KANK1: variants seen among roughly 807,000 people sequenced by gnomAD.
KANK1 encodes the protein KN motif and ankyrin repeat domain-containing protein 1.
KANK1 carries 109 observed loss-of-function variants against 106.2 expected under a neutral mutation model. That is an observed-to-expected ratio of 1.03 (90% confidence interval 0.88 to 1.20). The LOEUF (loss-of-function observed/expected upper bound fraction) is 1.20. Ranked by LOEUF, KANK1 falls within the 50% of genes most tolerant of loss-of-function variation. KANK1 has a pLI of 0.00. For missense variants in KANK1, 2,399 were observed against 1,710.7 expected (o/e 1.40, Z -7.10); for synonymous variants, 873 against 652.2 (o/e 1.34, Z -5.16).
chr9:745,094 C>CAAGATCCTATGTCACAGGGTACACATCT, intron 11 of KANK1, 79 bp from the exon 12 acceptor site: 19 of 1,566,098 alleles, frequency 1.2e-5, no homozygotes, highest in Non-Finnish European at 1.6e-5. Flanking sequence ...TGTGGTGGGC[C>CAAGATCCTATGTCACAGGGTACACATCT]AAGATCCTAT....
chr9:703,178 G>T (rs1247610659), intron 2 of KANK1, among the ~76,000 whole-genome samples: 1 of 152,036 alleles, frequency 6.6e-6, no homozygotes, highest in Non-Finnish European at 1.5e-5. Context: ...TTTCAGTAGA[G>T]ACAGGGTTTC....
rs577761350 is a variant in KANK1, at chr9:633,474, A to C, written c.-83-43416A>C. ...CTCCGTCTCAAAAACAAAACAAAAC[A>C]AAAAAAACACCTTTTTTTGTCTTGC... On this transcript the variant is annotated intron_variant, in intron 1 of 11. Transcript: ENST00000382297. Among the ~76,000 whole-genome samples, 16 of 151,884 alleles carry C rather than the reference A, an allele frequency of 1.1e-4. No individual in the cohort carries two copies. In the South Asian group the frequency reaches 2.7e-3, roughly 26 times the overall value.
intron 1 of KANK1, among the ~76,000 whole-genome samples, chr9:619,088 A>C (rs754015561): frequency 6.6e-6 from 1 of 152,214 alleles, no homozygotes; most frequent in Non-Finnish European, 1.5e-5. Context: ...ATAACTAAGT[A>C]CAAGCCTCTC....
At position 663,936 on chromosome 9, in the gene KANK1, C is replaced by G. The variant is rs74402635; in HGVS notation, c.-83-12954C>G. ...TTTGGGACACAAGGAGGCAGATGCT[C>G]TCATGGGAACTCTTCAAATAAGGTC... On this transcript the variant is annotated intron_variant, in intron 1 of 11. Coordinates refer to ENST00000382297, the MANE Select transcript of KANK1 (RefSeq NM_015158.5). 3.2e-4 allele frequency among the ~76,000 whole-genome samples: 49 copies of G among 152,264 alleles called. 1 individual carries two copies. The East Asian group carries it at 7.7e-3, about 24-fold the overall frequency.
At chr9:649,782 G>T in intron 1 of KANK1, among the ~76,000 whole-genome samples, 1 of 152,100 alleles carries the variant, frequency 6.6e-6, no homozygotes. Flanking sequence ...TTCACCCATG[G>T]CAGCCAACCA....
At chr9:731,103 C>G (rs1832117833) in intron 4 of KANK1, 55 bp from the exon 5 acceptor site, 1 of 925,388 alleles carries the variant, frequency 1.1e-6, no homozygotes. Flanking sequence ...GAAAAAAGAT[C>G]ATTTAACATG....
chr9:702,419 C>G (rs1822911400), intron 2 of KANK1, among the ~76,000 whole-genome samples: 1 of 152,170 alleles, frequency 6.6e-6, no homozygotes, highest in African/African-American at 2.4e-5. Context: ...AGAACAGAGA[C>G]TTTGTCCATT....
chr9:560,467 G>A (rs893518839), intron 1 of KANK1, among the ~76,000 whole-genome samples: 3 of 152,196 alleles, frequency 2.0e-5, no homozygotes, highest in Non-Finnish European at 2.9e-5. Context: ...TTAGAGGGTT[G>A]AGGGTACAGG....
intron 3 of KANK1, among the ~76,000 whole-genome samples, chr9:714,611 G>A (rs1029631209): frequency 2.6e-5 from 4 of 152,052 alleles, no homozygotes; most frequent in African/African-American, 7.2e-5. Flanking sequence ...ACCCACCTCG[G>A]CCTCCCAAAG....
intron 1 of KANK1, among the ~76,000 whole-genome samples, chr9:643,166 C>T (rs1385614528): frequency 7.3e-5 from 11 of 150,638 alleles, no homozygotes; most frequent in Non-Finnish European, 1.5e-5. Context: ...GGGAGTGACT[C>T]TCATTCATCT....
At chr9:499,925 T>G (rs12004197), upstream of KANK1, among the ~76,000 whole-genome samples, 1,058 of 152,324 alleles carry the variant, frequency 6.9e-3, 13 homozygotes, top group African/African-American at 0.023. Flanking sequence ...GCTAGTTAAT[T>G]GGTGAAGAAG....
At chr9:722,511 G>A (rs879468587) in intron 3 of KANK1, among the ~76,000 whole-genome samples, 13 of 152,128 alleles carry the variant, frequency 8.5e-5, no homozygotes, top group Non-Finnish European at 1.6e-4. Flanking sequence ...CTGGCTGCAC[G>A]TTTTCTTCGT....
At chr9:630,750 A>T (rs531627604) in intron 1 of KANK1, among the ~76,000 whole-genome samples, 112 of 151,284 alleles carry the variant, frequency 7.4e-4, no homozygotes, top group African/African-American at 2.5e-3. Flanking sequence ...AAAAATACAA[A>T]AATTTAGCCA....
At chr9:575,881 G>T (rs545865263) in intron 1 of KANK1, among the ~76,000 whole-genome samples, 2 of 152,136 alleles carry the variant, frequency 1.3e-5, no homozygotes, top group Non-Finnish European at 2.9e-5. Context: ...AAATTAGTCA[G>T]ATGTAGTGGT....
At chr9:615,338 C>T (rs527530454) in intron 1 of KANK1, among the ~76,000 whole-genome samples, 1 of 152,280 alleles carries the variant, frequency 6.6e-6, no homozygotes, top group Non-Finnish European at 1.5e-5. Flanking sequence ...GTATTCTTTG[C>T]TCTTTTAGTC....
chr9:587,198 A>AACTTTGCT (rs1823705671), intron 1 of KANK1, among the ~76,000 whole-genome samples: 1 of 152,052 alleles, frequency 6.6e-6, no homozygotes. Flanking sequence ...TGTTTCCTTT[A>AACTTTGCT]ACTTTGCTTT....
At chr9:679,807 T>G (rs1817163559) in intron 2 of KANK1, among the ~76,000 whole-genome samples, 1 of 152,214 alleles carries the variant, frequency 6.6e-6, no homozygotes, top group African/African-American at 2.4e-5. Context: ...GTCTTCCTAT[T>G]TTTTATATAG....
At position 710,856 on chromosome 9, in the gene KANK1, T is replaced by A. The variant is rs1825844709; in HGVS notation, c.90T>A (p.Pro30=). The A allele has an allele frequency of 6.2e-7, 1 of 1,613,208 alleles. No homozygotes were observed. The highest frequency in any genetic ancestry group is 1.3e-5 in the African/African-American group (1 of 74,854). The change falls in exon 3 of 12, where the codon CCT becomes CCA. Residue 30 remains proline, a synonymous_variant. Transcript: ENST00000382297. ...SGDQDKEQKD[P]YFVETPYGYQ... ...ACCAGGACAAGGAACAGAAAGACCCTTACTTTGTGGAGACCCCCTATGGTT... is the reference window on the plus strand; with the variant it reads ...ACCAGGACAAGGAACAGAAAGACCCATACTTTGTGGAGACCCCCTATGGTT...
chr9:737,706 T>G (rs1834175630), intron 7 of KANK1, among the ~76,000 whole-genome samples: 1 of 152,232 alleles, frequency 6.6e-6, no homozygotes, highest in African/African-American at 2.4e-5. Context: ...TTGGGTTGGC[T>G]ATACACGTAC....
Sources: allele counts gnomAD v4.1 joint callset (sites outside exome capture counted in the v4.1 genomes callset), GRCh38; gene constraint gnomAD v4.1.1; transcripts MANE v1.5; gene names NCBI Gene and HGNC (gene_info 2026-07-23, HGNC 2026-07-21).